Variants in MYO1F observed in about 807,000 individuals in gnomAD.
The protein encoded by MYO1F is myosin IF.
Under a neutral mutation model 146.6 loss-of-function variants are expected in MYO1F, and 60 were observed. The observed-to-expected ratio is 0.41, with a 90% CI of 0.33 to 0.51. MYO1F has a LOEUF of 0.51. Ranked by LOEUF, MYO1F falls within the 20% of genes least tolerant of loss-of-function variation. MYO1F has a pLI of 0.25. For missense variants in MYO1F, 1,274 were observed against 1,534.3 expected, an observed-to-expected ratio of 0.83 and a Z score of 2.83; for synonymous variants, 602 against 602.1, an observed-to-expected ratio of 1.00 and a Z score of 0.00.
Position 8,554,925 on chromosome 19 carries a change from T to C in MYO1F, c.142-182A>G, listed in dbSNP as rs148024013. Among the ~76,000 whole-genome samples the C allele has an allele frequency of 0.021, 3,227 of 152,178 alleles. 132 individuals carry two copies. Among genetic ancestry groups the C allele is most frequent in the African/African-American group, 0.074 (3,070 of 41,520 alleles). ...CTGGCCGGGCGCGGTGGCTCATGCC[T>C]GTAATCCCAGCACTTTGGAAGGCCG... On this transcript the variant is annotated intron_variant, in intron 2 of 27. Coordinates refer to ENST00000644032, the MANE Select transcript of MYO1F (RefSeq NM_012335.4).
At chr19:8,538,871 TGTTTCCTGGGGACACA>T (rs1157768280) in intron 16 of MYO1F, among the ~76,000 whole-genome samples, 4 of 152,216 alleles carry the variant, frequency 2.6e-5, no homozygotes, top group African/African-American at 9.6e-5. Flanking sequence ...AGATAGGCAG[TGTTTCCTGGGGACACA>T]GTTTCAGTTT....
At chr19:8,536,438 C>A (rs1972717013) in intron 18 of MYO1F, 42 bp from the exon 19 acceptor site, 1 of 1,607,930 alleles carries the variant, frequency 6.2e-7, no homozygotes, top group African/African-American at 1.3e-5. Flanking sequence ...TCATAGCAGA[C>A]AGGCCTGGCT....
chr19:8,552,760 C>G (rs1009174742), intron 6 of MYO1F, among the ~76,000 whole-genome samples: 5 of 152,128 alleles, frequency 3.3e-5, no homozygotes, highest in African/African-American at 1.2e-4. Context: ...ATCTGTTTAC[C>G]TATCCTGACT....
intron 14 of MYO1F, 139 bp from the exon 15 acceptor site, chr19:8,542,130 G>A (rs1237756236): frequency 1.0e-5 from 7 of 700,876 alleles, no homozygotes; most frequent in African/African-American, 1.8e-5. Context: ...TGTCTACAGC[G>A]CTGGCTGGGG....
rs1039091067 is a variant in MYO1F at position 8,550,077 on chromosome 19, G to A, written c.1101+83C>T. 16 of 1,491,090 alleles carry A rather than the reference G, an allele frequency of 1.1e-5. No individual in the cohort carries two copies. In the African/African-American group the frequency reaches 1.9e-4, roughly 18 times the overall value. 92.4% of individuals were successfully genotyped at this position (1,491,090 alleles called of 1,614,324 possible). A position where few individuals can be genotyped will look rare whatever the true frequency, so the allele number is the denominator to read the frequency against. ...AGCCACCCAAAGCATTGGGATTGCA[G>A]CCGTGAGCCACTGCACTCAGCTTCC... On this transcript the variant is annotated intron_variant, in intron 10 of 27. Coordinates refer to ENST00000644032, the MANE Select transcript of MYO1F (RefSeq NM_012335.4).
rs571833605 is a variant in MYO1F at position 8,572,639 on chromosome 19, T to C, written c.3+4668A>G. Among the ~76,000 whole-genome samples the C allele has an allele frequency of 7.9e-5, 12 of 152,260 alleles. No individual in the cohort carries two copies. The South Asian group carries it at 2.5e-3, about 32-fold the overall frequency. ...TCCCAGCCTTTCCTGTCCATCCTCATGGCCACTGATTCTGGACCCAGCAGC... is the reference window on the plus strand; with the variant it reads ...TCCCAGCCTTTCCTGTCCATCCTCACGGCCACTGATTCTGGACCCAGCAGC... On this transcript the variant is annotated intron_variant, in intron 1 of 27. Transcript: ENST00000644032.
At chr19:8,525,108 G>A (rs913280778) in intron 25 of MYO1F, 2 of 190,196 alleles carry the variant, frequency 1.1e-5, no homozygotes, top group African/African-American at 4.9e-5. Context: ...GCTGAGGCAG[G>A]AGAATCGCTT....
chr19:8,555,523 T>C, intron 2 of MYO1F, 136 bp downstream of exon 2: 1 of 1,190,284 alleles, frequency 8.4e-7, no homozygotes. Flanking sequence ...CTGCTGTCAC[T>C]CTGTCTGTCC....
intron 10 of MYO1F, chr19:8,549,904 G>T: frequency 1.7e-6 from 1 of 573,648 alleles, no homozygotes; most frequent in Non-Finnish European, 3.1e-6. Context: ...GGGTTCAAAT[G>T]ATCCCCCAAC....
intron 14 of MYO1F, 47 bp downstream of exon 14, chr19:8,544,250 G>C: frequency 6.2e-7 from 1 of 1,605,308 alleles, no homozygotes; most frequent in East Asian, 2.2e-5. Flanking sequence ...CTGGAGCCCT[G>C]GGGGTCTGCG....
intron 1 of MYO1F, among the ~76,000 whole-genome samples, chr19:8,568,905 A>G (rs1445669438): frequency 6.6e-6 from 1 of 152,104 alleles, no homozygotes; most frequent in Non-Finnish European, 1.5e-5. Flanking sequence ...TGGGCAACAG[A>G]GCGAGACTCC....
chr19:8,550,157 C>T lies in MYO1F; in HGVS notation c.1101+3G>A, dbSNP rs117727578. 1,467 of 1,613,780 alleles carry T rather than the reference C, an allele frequency of 9.1e-4. 22 individuals carry two copies. The East Asian group carries it at 0.025, about 27-fold the overall frequency. On this transcript the variant is annotated splice_donor_region_variant and intron_variant, in intron 10 of 27. Transcript: ENST00000644032. ...TCTGCCTTCCAGCCCCAGCCCCACT[C>T]GCCTCCACGAGGAAGTCGAAGAGGC...
intron 19 of MYO1F, among the ~76,000 whole-genome samples, chr19:8,531,211 G>T (rs953622799): frequency 1.3e-5 from 2 of 151,744 alleles, no homozygotes; most frequent in African/African-American, 2.4e-5. Context: ...GCCGGGCATG[G>T]TGGCACATGC....
At chr19:8,560,400 G>C (rs1010963760) in intron 1 of MYO1F, among the ~76,000 whole-genome samples, 53 of 151,398 alleles carry the variant, frequency 3.5e-4, no homozygotes, top group African/African-American at 1.3e-3. Context: ...CAGGAGACTC[G>C]CTTGATCCCG....
chr19:8,533,597 T>G (rs1220493024), intron 19 of MYO1F, among the ~76,000 whole-genome samples: 4 of 151,670 alleles, frequency 2.6e-5, no homozygotes, highest in South Asian at 4.2e-4. Context: ...GACCTCATGA[T>G]CCGCCTGCCT....
At chr19:8,564,513 G>A (rs2041965152) in intron 1 of MYO1F, among the ~76,000 whole-genome samples, 1 of 152,082 alleles carries the variant, frequency 6.6e-6, no homozygotes. Context: ...CAGACTGGCT[G>A]AGTAGGAACT....
Position 8,553,471 on chromosome 19 carries a change from T to C in MYO1F, c.327-34A>G, listed in dbSNP as rs866731459. On this transcript the variant is annotated intron_variant, in intron 4 of 27. Transcript: ENST00000644032. Reference sequence around the variant, plus strand: ...GAATGGAGGAATAAATGATCAGTGGTTGGGGAAGAGCCCTTTTTAGTGCCT... The same window carrying C: ...GAATGGAGGAATAAATGATCAGTGGCTGGGGAAGAGCCCTTTTTAGTGCCT... 2.5e-6 allele frequency: 4 copies of C among 1,588,666 alleles called. No homozygotes were observed. The Middle Eastern group carries it at 5.0e-4, about 198-fold the overall frequency.
chr19:8,552,120 A>G lies in MYO1F; in HGVS notation c.549T>C (p.Asp183=). ...EIQFSRGGEP[D]GGKISNFLLE... ...GCAAGAAGTTGGAGATCTTGCCCCC[A>G]TCTGGCTCCCCACCTCGGCTGAACT... Residue 183 remains aspartate, a synonymous_variant, in exon 7 of 28, where the codon GAT becomes GAC. Transcript: ENST00000644032. The G allele has an allele frequency of 6.2e-7, 1 of 1,613,984 alleles. No homozygotes were observed. Among genetic ancestry groups the G allele is most frequent in the Non-Finnish European group, 8.5e-7 (1 of 1,180,006 alleles).
intron 14 of MYO1F, among the ~76,000 whole-genome samples, chr19:8,543,728 GGTGGTGC>G (rs1973116339): frequency 8.4e-5 from 1 of 11,952 alleles, no homozygotes; most frequent in Non-Finnish European, 1.7e-4. Flanking sequence ...TGGTGGTGCT[GGTGGTGC>G]TGGTGGTGCT....
Sources: gnomAD v4.1 joint callset for allele counts (sites outside exome capture counted in the v4.1 genomes callset) on GRCh38, gnomAD v4.1.1 for gene constraint, MANE v1.5 for transcripts, NCBI Gene and HGNC (gene_info 2026-07-23, HGNC 2026-07-21) for gene names.